Variants in MUC3A observed in about 807,000 individuals in gnomAD.
MUC3A encodes the protein mucin-3A.
A neutral mutation model predicts 109.0 loss-of-function variants in MUC3A; 109 were observed. The ratio of observed to expected loss-of-function variants is 1.00; its 90% confidence interval spans 0.86 to 1.17. The LOEUF (loss-of-function observed/expected upper bound fraction) is 1.17, where lower values mean the gene tolerates loss of function less well. MUC3A is among the 50% of genes most tolerant of loss of function. The pLI is 0.00. For missense variants in MUC3A, 3,537 were observed against 2,469.4 expected (o/e 1.43, Z -9.16); for synonymous variants, 1,398 against 981.4 (o/e 1.42, Z -7.93).
chr7:100,960,665 T>G lies in MUC3A; in HGVS notation c.8866+20T>G, dbSNP rs758251488. The G allele has an allele frequency of 1.3e-6, 2 of 1,594,050 alleles. No homozygotes were observed. The highest frequency in any genetic ancestry group is 1.7e-6 in the Non-Finnish European group (2 of 1,177,090). ...CTGCAGGTTGGACCTTCTGCCTCTC[T>G]GTTCCCCTCCTTCCTCCCCTGCAAA... On this transcript the variant is annotated intron_variant, in intron 2 of 11. Transcript: ENST00000379458.
At chr7:100,949,749 A>C (rs953101436) in intron 1 of MUC3A, 64 bp downstream of exon 1, 23 of 1,430,200 alleles carry the variant, frequency 1.6e-5, no homozygotes, top group Non-Finnish European at 2.0e-5. Flanking sequence ...AGGAAAGGGG[A>C]GGGAAAAGTG....
In MUC3A at chr7:100,967,458, CGTT is replaced by C. The variant is rs1396181857; in HGVS notation, c.*302_*304del. 1.8e-3 allele frequency: 1,041 copies of C among 581,652 alleles called. No individual in the cohort carries two copies. Among genetic ancestry groups the C allele is most frequent in the Non-Finnish European group, 1.4e-3 (443 of 327,718 alleles). The allele number at this position is 581,652 out of a possible 1,614,324, so 36.0% of individuals were successfully genotyped here. A position where few individuals can be genotyped will look rare whatever the true frequency, so the allele number is the denominator to read the frequency against. On this transcript the variant is annotated 3_prime_UTR_variant, in exon 12 of 12. Coordinates refer to ENST00000379458, the MANE Select transcript of MUC3A (RefSeq NM_005960.2). ...AGCATTCCTGTATGATAGCTCACGC[CGTT>C]GTTGTGAAAACCACATAGACTTGGT... is the stretch of plus-strand genomic sequence containing the variant.
chr7:100,950,053 T>A (rs1791891323), intron 1 of MUC3A, among the ~76,000 whole-genome samples: 2 of 108 alleles, frequency 0.019, no homozygotes, highest in Non-Finnish European at 0.032. Context: ...TGACTCCTTC[T>A]GTCACCTGCC....
chr7:100,952,667 A>G lies in MUC3A; in HGVS notation c.888A>G (p.Thr296=), dbSNP rs768854732. ...CCACTAGGACCATTTTATCTTCCAC[A>G]CCTGTCCTGAGCACAGAAACAATCA... ...SSPTRTILSS[T]PVLSTETITS... The change falls in exon 2 of 12, where the codon ACA becomes ACG. Residue 296 remains threonine, a synonymous_variant. Transcript: ENST00000379458. 6.8e-7 allele frequency: 1 copy of G among 1,475,130 alleles called. No individual in the cohort carries two copies. The highest frequency in any genetic ancestry group is 1.2e-5 in the South Asian group (1 of 83,040). 91.4% of individuals were successfully genotyped at this position (1,475,130 alleles called of 1,614,324 possible).
In MUC3A at chr7:100,965,686, C is replaced by G. The variant is rs201393922; in HGVS notation, c.9449-18C>G. Reference sequence around the variant, plus strand: ...GATGAGGTCCTTGTCTCTGTGCATCCCCCTCCCCAACCCCCAGCCATCTGC... The same window carrying G: ...GATGAGGTCCTTGTCTCTGTGCATCGCCCTCCCCAACCCCCAGCCATCTGC... On this transcript the variant is annotated intron_variant, in intron 7 of 11. Coordinates refer to ENST00000379458, the MANE Select transcript of MUC3A (RefSeq NM_005960.2). 150 of 1,592,934 alleles carry G rather than the reference C, an allele frequency of 9.4e-5. No individual in the cohort carries two copies. In the African/African-American group the frequency reaches 1.9e-3, roughly 20 times the overall value.
intron 1 of MUC3A, 132 bp from the exon 2 acceptor site, chr7:100,951,709 G>A: frequency 7.3e-7 from 1 of 1,376,074 alleles, no homozygotes; most frequent in Non-Finnish European, 9.8e-7. Flanking sequence ...TCTGATGCAG[G>A]AGTCAGCTGT....
Position 100,951,835 on chromosome 7 carries a change from A to G in MUC3A, c.62-6A>G, listed in dbSNP as rs780108895. 4.4e-6 allele frequency: 7 copies of G among 1,595,212 alleles called. No homozygotes were observed. Among genetic ancestry groups the G allele is most frequent in the African/African-American group, 1.3e-5 (1 of 74,894 alleles). On this transcript the variant is annotated splice_region_variant and splice_polypyrimidine_tract_variant and intron_variant, in intron 1 of 11. Transcript: ENST00000379458. ...AGTGGATTCCTCTGCTCTGCCGCCA[A>G]TGCAGGAACTTTATCCACGGCCACA...
chr7:100,953,587 G>T lies in MUC3A; in HGVS notation c.1808G>T (p.Ser603Ile), dbSNP rs1178490336. Reference sequence around the variant, plus strand: ...GGAACAGGTCAGACCACCTTCACCAGCTCTACAGCCACATTTCCTGAGACC... The same window carrying T: ...GGAACAGGTCAGACCACCTTCACCATCTCTACAGCCACATTTCCTGAGACC... Reference protein sequence around the residue: ...TTGTGQTTFTSSTATFPETTT... With the variant: ...TTGTGQTTFTISTATFPETTT... The change falls in exon 2 of 12, where the codon AGC (serine) becomes ATC (isoleucine). Residue 603 changes from serine (S) to isoleucine (I), a missense_variant. Ser to Ile is a moderately radical substitution (Grantham distance 142, BLOSUM62 -2). Coordinates refer to ENST00000379458, the MANE Select transcript of MUC3A (RefSeq NM_005960.2). 4.1e-5 allele frequency: 18 copies of T among 439,694 alleles called. No individual in the cohort carries two copies. The highest frequency in any genetic ancestry group is 2.4e-4 in the African/African-American group (12 of 49,408). 27.2% of individuals were successfully genotyped at this position (439,694 alleles called of 1,614,324 possible).
At position 100,954,869 on chromosome 7, in the gene MUC3A, C is replaced by A. The variant is rs1348786041; in HGVS notation, c.3090C>A (p.Pro1030=). ...CTATGAGAACTACAACCTATTGGCC[C>A]ACAGCCACTAATACATTATCACCAC... ...MTSMRTTTYW[P]TATNTLSPLT... is the part of the protein sequence containing the mutation. The change falls in exon 2 of 12, where the codon CCC becomes CCA. Residue 1030 remains proline (P), a synonymous_variant. Coordinates refer to ENST00000379458, the MANE Select transcript of MUC3A (RefSeq NM_005960.2). 13 of 452,972 alleles carry A rather than the reference C, an allele frequency of 2.9e-5. No homozygotes were observed. Among genetic ancestry groups the A allele is most frequent in the Non-Finnish European group, 4.2e-5 (11 of 259,492 alleles). The allele number at this position is 452,972 out of a possible 1,614,324, so 28.1% of individuals were successfully genotyped here.
In MUC3A at chr7:100,952,581, A is replaced by G. The variant is rs1791983849; in HGVS notation, c.802A>G (p.Thr268Ala). 1 of 1,598,482 alleles carries G rather than the reference A, an allele frequency of 6.3e-7. No homozygotes were observed. Among genetic ancestry groups the G allele is most frequent in the Non-Finnish European group, 8.5e-7 (1 of 1,179,740 alleles). The change falls in exon 2 of 12, where the codon ACA (threonine) becomes GCA (alanine). Residue 268 changes from threonine (T) to alanine (A), a missense_variant. Physicochemically the swap from Thr to Ala is moderately conservative, Grantham distance 58 (BLOSUM62 0). Transcript: ENST00000379458. The stretch of plus-strand genomic sequence containing the variant: ...CACTTCTTCAATCACTTCCACAAAT[A>G]CAGTGACTTCTATGACAACGACCGC... ...PITSSITSTN[T>A]VTSMTTTASQ...
intron 2 of MUC3A, 21 bp from the exon 3 acceptor site, chr7:100,960,731 C>G: frequency 1.3e-6 from 2 of 1,595,310 alleles, no homozygotes; most frequent in South Asian, 1.1e-5. Flanking sequence ...CTGAGCTTCC[C>G]TTTCTTTCTG....
Position 100,952,372 on chromosome 7 carries a change from C to T in MUC3A, c.593C>T (p.Thr198Ile), listed in dbSNP as rs908978574. ...CCCTCTACCACCACTGCAAGGGAAA[C>T]TCCCATAGTGACAGTGACACCCTCC... ...SSPSTTTARE[T>I]PIVTVTPSSV... Residue 198 changes from threonine to isoleucine, a missense_variant, in exon 2 of 12, where the codon ACT (threonine) becomes ATT (isoleucine). Transcript: ENST00000379458. The T allele has an allele frequency of 6.3e-7, 1 of 1,598,534 alleles. No homozygotes were observed. Among genetic ancestry groups the T allele is most frequent in the Middle Eastern group, 1.7e-4 (1 of 6,060 alleles).
chr7:100,958,156 G>A lies in MUC3A; in HGVS notation c.6377G>A (p.Ser2126Asn). Residue 2126 changes from serine to asparagine, a missense_variant, in exon 2 of 12, where the codon AGC becomes AAC. Physicochemically the swap from Ser to Asn is conservative, Grantham distance 46 (BLOSUM62 1). Transcript: ENST00000379458. ...GAGATGCCCTCACACAGTACTCCCA[G>A]CTTCACTTCTTCGATCACCACCACT... Reference protein sequence around the residue: ...TSEMPSHSTPSFTSSITTTEN... With the variant: ...TSEMPSHSTPNFTSSITTTEN... 1 of 1,127,368 alleles carries A rather than the reference G, an allele frequency of 8.9e-7. No homozygotes were observed. Among genetic ancestry groups the A allele is most frequent in the Non-Finnish European group, 1.2e-6 (1 of 828,134 alleles). 69.8% of individuals were successfully genotyped at this position (1,127,368 alleles called of 1,614,324 possible).
intron 3 of MUC3A, among the ~76,000 whole-genome samples, chr7:100,962,545 G>T (rs1175807803): frequency 1.3e-5 from 2 of 152,312 alleles, no homozygotes; most frequent in African/African-American, 4.8e-5. Flanking sequence ...CACTATGGGG[G>T]CAGCCAGGAG....
At chr7:100,963,602 G>C (rs1270934653) in intron 4 of MUC3A, 86 bp from the exon 5 acceptor site, 10 of 1,588,778 alleles carry the variant, frequency 6.3e-6, no homozygotes, top group Non-Finnish European at 7.7e-6. Flanking sequence ...GGAATTGAAG[G>C]GTCTTCCCTG....
At chr7:100,965,548 G>A in intron 7 of MUC3A, 156 bp from the exon 8 acceptor site, 1 of 1,375,530 alleles carries the variant, frequency 7.3e-7, no homozygotes, top group East Asian at 2.5e-5. Context: ...AGGGTGCTGC[G>A]GGTGGCCTCC....
chr7:100,956,166 G>T lies in MUC3A; in HGVS notation c.4387G>T (p.Ala1463Ser). 1 of 69,840 alleles carries T rather than the reference G, an allele frequency of 1.4e-5. No individual in the cohort carries two copies. The highest frequency in any genetic ancestry group is 4.1e-4 in the Admixed American group (1 of 2,466). 4.3% of individuals were successfully genotyped at this position (69,840 alleles called of 1,614,324 possible). The change falls in exon 2 of 12, where the codon GCC becomes TCC. Residue 1463 changes from alanine to serine, a missense_variant. Ala to Ser is a moderately conservative substitution (Grantham distance 99, BLOSUM62 1). Transcript: ENST00000379458. ...CAGGTCTACACTTACATCTGAGACC[G>T]CCTACCCTAGTTCTCCCACAAGCAC... ...ITRSTLTSET[A>S]YPSSPTSTVT... is the part of the protein sequence containing the mutation.
chr7:100,966,224 G>A (rs73183038), intron 8 of MUC3A, 162 bp from the exon 9 acceptor site: 3 of 488,596 alleles, frequency 6.1e-6, no homozygotes, highest in African/African-American at 2.1e-5. Flanking sequence ...TAGAGCCCCG[G>A]CCCCTCGTTC....
Position 100,961,966 on chromosome 7 carries a change from C to CTGGGCATGGTGGT in MUC3A, c.9052+1030_9052+1031insGGGCATGGTGGTT, listed in dbSNP as rs1584808697. Among the ~76,000 whole-genome samples the CTGGGCATGGTGGT allele has an allele frequency of 4.0e-4, 48 of 119,266 alleles. 3 individuals carry two copies. Among genetic ancestry groups the CTGGGCATGGTGGT allele is most frequent in the Middle Eastern group, 3.9e-3 (1 of 254 alleles). 78.2% of individuals were successfully genotyped at this position (119,266 alleles called of 152,430 possible). A position where few individuals can be genotyped will look rare whatever the true frequency, so the allele number is the denominator to read the frequency against. On this transcript the variant is annotated intron_variant, in intron 3 of 11. Transcript: ENST00000379458. The stretch of plus-strand genomic sequence containing the variant: ...TCCACAAAAAATTTTAAAAACTTAC[C>CTGGGCATGGTGGT]TCACGCCTGTAATCCCAGCACTTTG...
Sources: allele counts gnomAD v4.1 joint callset (sites outside exome capture counted in the v4.1 genomes callset), GRCh38; gene constraint gnomAD v4.1.1; transcripts MANE v1.5; gene names NCBI Gene and HGNC (gene_info 2026-07-23, HGNC 2026-07-21).